Variants in MRTFA observed in about 807,000 individuals in gnomAD.
The protein encoded by MRTFA is myocardin related transcription factor A, also known as myocardin-related transcription factor A.
A neutral mutation model predicts 83.5 loss-of-function variants in MRTFA; 20 were observed. The observed-to-expected ratio is 0.24, with a 90% confidence interval of 0.17 to 0.35. The LOEUF (loss-of-function observed/expected upper bound fraction) is 0.35, where lower values mean the gene tolerates loss of function less well. Ranked by LOEUF, MRTFA falls within the 10% of genes least tolerant of loss-of-function variation. MRTFA has a pLI of 1.00. For synonymous variants in MRTFA, 659 were observed against 541.2 expected, an observed-to-expected ratio of 1.22 and a Z score of -3.02; for missense variants, 1,200 against 1,224.7, an observed-to-expected ratio of 0.98 and a Z score of 0.30.
chr22:40,586,801 C>T (rs2056035464), intron 2 of MRTFA: 2 of 367,702 alleles, frequency 5.4e-6, no homozygotes, highest in Non-Finnish European at 1.1e-5. Flanking sequence ...GTTTCTCCTG[C>T]TTAAAAACAA....
intron 1 of MRTFA, among the ~76,000 whole-genome samples, chr22:40,620,991 G>A (rs1035014868): frequency 1.3e-5 from 2 of 151,918 alleles, no homozygotes; most frequent in African/African-American, 4.8e-5. Flanking sequence ...AGACCAGCCT[G>A]GGCAACAAAA....
chr22:40,491,680 G>T (rs1374856773), intron 3 of MRTFA, among the ~76,000 whole-genome samples: 2 of 152,092 alleles, frequency 1.3e-5, no homozygotes, highest in African/African-American at 4.8e-5. Flanking sequence ...TTAAAGAAAA[G>T]TTTTTTCTTC....
At chr22:40,530,018 T>A (rs746529820) in intron 3 of MRTFA, among the ~76,000 whole-genome samples, 1 of 152,180 alleles carries the variant, frequency 6.6e-6, no homozygotes, top group African/African-American at 2.4e-5. Context: ...CTATGCCTCA[T>A]TAAGATCAGA....
At chr22:40,576,172 G>A (rs138476044) in intron 2 of MRTFA, among the ~76,000 whole-genome samples, 12,347 of 151,828 alleles carry the variant, frequency 0.081, 745 homozygotes, top group East Asian at 0.25. Context: ...GGGATTACAG[G>A]TGCGCGCCAC....
chr22:40,510,160 G>T (rs974023096), intron 3 of MRTFA, among the ~76,000 whole-genome samples: 16 of 152,144 alleles, frequency 1.1e-4, no homozygotes, highest in Non-Finnish European at 2.1e-4. Context: ...CCAATACAGT[G>T]TAAGGTCCCA....
intron 2 of MRTFA, chr22:40,569,767 A>ATCCATC (rs1569333146): frequency 8.3e-6 from 1 of 120,582 alleles, no homozygotes; most frequent in Admixed American, 8.9e-5. Flanking sequence ...ATACATACAT[A>ATCCATC]CATACATACA....
At chr22:40,418,135 G>C (rs931656604) in intron 12 of MRTFA, among the ~76,000 whole-genome samples, 1 of 152,216 alleles carries the variant, frequency 6.6e-6, no homozygotes, top group African/African-American at 2.4e-5. Context: ...GTGCCGAAAT[G>C]TTCTAGTCTC....
intron 7 of MRTFA, among the ~76,000 whole-genome samples, chr22:40,429,022 T>G (rs2053013501): frequency 6.6e-6 from 1 of 152,168 alleles, no homozygotes; most frequent in African/African-American, 2.4e-5. Context: ...CCTCTGTGTT[T>G]CCAAAGTACC....
chr22:40,600,206 GAGA>G (rs1414419414), intron 1 of MRTFA, among the ~76,000 whole-genome samples: 2 of 152,028 alleles, frequency 1.3e-5, no homozygotes, highest in East Asian at 3.9e-4. Flanking sequence ...TGCACCCAAA[GAGA>G]AGATTAAATA....
intron 3 of MRTFA, among the ~76,000 whole-genome samples, chr22:40,498,758 G>A (rs2147216903): frequency 6.6e-6 from 1 of 152,240 alleles, no homozygotes; most frequent in Non-Finnish European, 1.5e-5. Flanking sequence ...CAGGCCACAG[G>A]CAGGATGATA....
At chr22:40,558,103 A>C (rs2055556776) in intron 2 of MRTFA, among the ~76,000 whole-genome samples, 1 of 150,458 alleles carries the variant, frequency 6.6e-6, no homozygotes, top group South Asian at 2.1e-4. Flanking sequence ...TTTTTTTTTA[A>C]GGGACAGGGT....
chr22:40,435,474 C>T lies in MRTFA; in HGVS notation c.363+25G>A, dbSNP rs200114418. ...GCTCTGAAAATGCTCTTTGGGAGTTCTGAGGGGGAAAAAAGGTACCTTACC... is the reference window on the plus strand; with the variant it reads ...GCTCTGAAAATGCTCTTTGGGAGTTTTGAGGGGGAAAAAAGGTACCTTACC... On this transcript the variant is annotated intron_variant, in intron 5 of 14. Coordinates refer to ENST00000355630, the MANE Select transcript of MRTFA (RefSeq NM_020831.6). 26 of 1,613,042 alleles carry T rather than the reference C, an allele frequency of 1.6e-5. 1 individual carries two copies. The highest frequency in any genetic ancestry group is 1.6e-4 in the African/African-American group (12 of 74,980).
At chr22:40,552,853 G>T (rs2055463677) in intron 2 of MRTFA, among the ~76,000 whole-genome samples, 1 of 152,328 alleles carries the variant, frequency 6.6e-6, no homozygotes, top group African/African-American at 2.4e-5. Context: ...TGGGTAACAG[G>T]CAGAGGTTGG....
intron 3 of MRTFA, 79 bp from the exon 4 acceptor site, chr22:40,463,365 A>G: frequency 8.2e-7 from 1 of 1,225,608 alleles, no homozygotes; most frequent in South Asian, 1.2e-5. Flanking sequence ...TCAAACGCAA[A>G]AAAAGTCTAA....
intron 3 of MRTFA, among the ~76,000 whole-genome samples, chr22:40,547,527 G>A (rs921240490): frequency 6.6e-6 from 1 of 152,130 alleles, no homozygotes; most frequent in East Asian, 1.9e-4. Context: ...AAGTCAGTGT[G>A]CCTGGGAGCT....
At chr22:40,587,075 C>G in intron 2 of MRTFA, 1 of 454,746 alleles carries the variant, frequency 2.2e-6, no homozygotes, top group Non-Finnish European at 4.5e-6. Context: ...GGTTTGTCCC[C>G]AGGACTCTAC....
intron 2 of MRTFA, among the ~76,000 whole-genome samples, chr22:40,577,608 G>T (rs116973859): frequency 2.4e-4 from 34 of 143,058 alleles, no homozygotes; most frequent in Admixed American, 1.1e-3. Context: ...ATCTACATCT[G>T]ATTTTTTTTT....
At chr22:40,581,612 T>C (rs1158869376) in intron 2 of MRTFA, among the ~76,000 whole-genome samples, 1 of 152,214 alleles carries the variant, frequency 6.6e-6, no homozygotes, top group Non-Finnish European at 1.5e-5. Context: ...CCTTCTGTAA[T>C]ATTTTTAGTT....
intron 2 of MRTFA, among the ~76,000 whole-genome samples, chr22:40,581,302 CAT>C (rs1254318465): frequency 6.6e-6 from 1 of 152,142 alleles, no homozygotes; most frequent in Non-Finnish European, 1.5e-5. Flanking sequence ...AACACGTGTA[CAT>C]GTTTCCTTTT....
Sources: gnomAD v4.1 joint callset for allele counts (sites outside exome capture counted in the v4.1 genomes callset) on GRCh38, gnomAD v4.1.1 for gene constraint, MANE v1.5 for transcripts, NCBI Gene and HGNC (gene_info 2026-07-23, HGNC 2026-07-21) for gene names.